LANCL2: variants seen among roughly 807,000 people sequenced by gnomAD.
LANCL2 encodes the protein lanC-like protein 2.
Under a neutral mutation model 56.9 loss-of-function variants are expected in LANCL2, and 33 were observed. The ratio of observed to expected loss-of-function variants is 0.58; its 90% confidence interval spans 0.44 to 0.78. The LOEUF (loss-of-function observed/expected upper bound fraction) is 0.78, where lower values mean the gene tolerates loss of function less well. LANCL2 is among the 30% of genes least tolerant of loss of function. LANCL2 has a pLI of 0.00. For synonymous variants in LANCL2, 233 were observed against 228.2 expected (o/e 1.02, Z -0.19); for missense variants, 562 against 580.2 (o/e 0.97, Z 0.32).
At chr7:55,381,090 T>C (rs1218376309) in intron 1 of LANCL2, among the ~76,000 whole-genome samples, 1 of 152,086 alleles carries the variant, frequency 6.6e-6, no homozygotes, top group Non-Finnish European at 1.5e-5. Context: ...AGGCTGGTCC[T>C]GAACTCCTGA....
At chr7:55,411,175 T>C (rs1790466301) in intron 5 of LANCL2, among the ~76,000 whole-genome samples, 1 of 152,234 alleles carries the variant, frequency 6.6e-6, no homozygotes, top group Non-Finnish European at 1.5e-5. Flanking sequence ...CCAGGTTTTT[T>C]CATGGGAAGC....
At chr7:55,422,133 G>A (rs1790615467) in intron 6 of LANCL2, among the ~76,000 whole-genome samples, 1 of 152,120 alleles carries the variant, frequency 6.6e-6, no homozygotes, top group Non-Finnish European at 1.5e-5. Context: ...ATTTTTAGTG[G>A]TCTTTGTTTC....
intron 1 of LANCL2, among the ~76,000 whole-genome samples, chr7:55,367,749 T>G: frequency 6.6e-6 from 1 of 152,124 alleles, no homozygotes; most frequent in East Asian, 1.9e-4. Flanking sequence ...AGCAAACCTG[T>G]GGGAACAAGT....
At chr7:55,368,407 A>G (rs1033931519) in intron 1 of LANCL2, among the ~76,000 whole-genome samples, 2 of 152,232 alleles carry the variant, frequency 1.3e-5, no homozygotes, top group African/African-American at 2.4e-5. Flanking sequence ...TGCTAAAGAA[A>G]GAAATGGACA....
intron 5 of LANCL2, among the ~76,000 whole-genome samples, chr7:55,401,641 A>G (rs1282033775): frequency 2.0e-4 from 25 of 126,514 alleles, no homozygotes; most frequent in South Asian, 5.3e-4. Context: ...AGGTCAGCAG[A>G]TAAGTGAACA....
intron 6 of LANCL2, among the ~76,000 whole-genome samples, chr7:55,423,729 T>C (rs1790633038): frequency 6.6e-6 from 1 of 152,192 alleles, no homozygotes; most frequent in African/African-American, 2.4e-5. Context: ...CATCCCTTTA[T>C]AGTTGAGAAA....
At chr7:55,408,083 A>G (rs552580452) in intron 5 of LANCL2, among the ~76,000 whole-genome samples, 44 of 152,356 alleles carry the variant, frequency 2.9e-4, no homozygotes, top group African/African-American at 1.0e-3. Context: ...AATAATTCAT[A>G]ATTAATATCC....
intron 7 of LANCL2, among the ~76,000 whole-genome samples, chr7:55,427,035 G>A (rs1257625487): frequency 6.6e-6 from 1 of 152,236 alleles, no homozygotes; most frequent in African/African-American, 2.4e-5. Context: ...CTTGGGCAGA[G>A]CTGCAGAGCA....
chr7:55,370,049 C>T (rs980427482), intron 1 of LANCL2, among the ~76,000 whole-genome samples: 2 of 152,190 alleles, frequency 1.3e-5, no homozygotes, highest in Admixed American at 6.5e-5. Context: ...TTCTGGCTCA[C>T]GGTCTCTGGA....
chr7:55,395,068 C>CTGT (rs1202777630), intron 2 of LANCL2, among the ~76,000 whole-genome samples: 1 of 152,164 alleles, frequency 6.6e-6, no homozygotes, highest in Non-Finnish European at 1.5e-5. Context: ...ACCAGACTCC[C>CTGT]TGTATGTAAC....
chr7:55,371,705 A>C (rs1360969883), intron 1 of LANCL2, among the ~76,000 whole-genome samples: 1 of 152,192 alleles, frequency 6.6e-6, no homozygotes, highest in Non-Finnish European at 1.5e-5. Context: ...ACAGAAAAAA[A>C]TCAGGAAAAC....
At chr7:55,373,217 T>G (rs1789964633) in intron 1 of LANCL2, among the ~76,000 whole-genome samples, 1 of 152,178 alleles carries the variant, frequency 6.6e-6, no homozygotes, top group Non-Finnish European at 1.5e-5. Flanking sequence ...TTTACTGCTT[T>G]CTGAGAACAG....
At chr7:55,415,621 C>CTTTTTT (rs71031852) in intron 6 of LANCL2, among the ~76,000 whole-genome samples, 2 of 111,770 alleles carry the variant, frequency 1.8e-5, no homozygotes, top group Non-Finnish European at 3.7e-5. Context: ...GTTTTTCTTT[C>CTTTTTT]TTTTTTTTGA....
At chr7:55,369,714 T>A (rs751590403) in intron 1 of LANCL2, among the ~76,000 whole-genome samples, 5 of 147,458 alleles carry the variant, frequency 3.4e-5, no homozygotes, top group Non-Finnish European at 7.6e-5. Flanking sequence ...AGCAGCAGCT[T>A]CAACTGATGT....
intron 5 of LANCL2, among the ~76,000 whole-genome samples, chr7:55,405,329 G>A (rs1790392854): frequency 6.6e-6 from 1 of 152,240 alleles, no homozygotes; most frequent in African/African-American, 2.4e-5. Flanking sequence ...ACTTTGGGGA[G>A]GGCCATCTGC....
chr7:55,426,038 C>T (rs1259554621), intron 7 of LANCL2, among the ~76,000 whole-genome samples: 1 of 152,186 alleles, frequency 6.6e-6, no homozygotes, highest in African/African-American at 2.4e-5. Context: ...CTGGACCTGT[C>T]GTTAACTGTT....
intron 1 of LANCL2, among the ~76,000 whole-genome samples, chr7:55,390,984 T>A (rs1583749462): frequency 6.6e-6 from 1 of 151,698 alleles, no homozygotes; most frequent in East Asian, 1.9e-4. Context: ...TTGTTTTTAT[T>A]TGCATTTCAT....
intron 6 of LANCL2, among the ~76,000 whole-genome samples, chr7:55,414,632 G>A (rs1199182940): frequency 1.3e-5 from 2 of 152,060 alleles, no homozygotes; most frequent in African/African-American, 4.8e-5. Flanking sequence ...TTCTGTGTAG[G>A]AACGTGTATT....
At chr7:55,403,893 T>C (rs1303951702) in intron 5 of LANCL2, among the ~76,000 whole-genome samples, 1 of 152,136 alleles carries the variant, frequency 6.6e-6, no homozygotes, top group Non-Finnish European at 1.5e-5. Context: ...CTTCTGTGCT[T>C]GTCTTCCTGT....
Sources: gnomAD v4.1 joint callset for allele counts (sites outside exome capture counted in the v4.1 genomes callset) on GRCh38, gnomAD v4.1.1 for gene constraint, MANE v1.5 for transcripts, NCBI Gene and HGNC (gene_info 2026-07-23, HGNC 2026-07-21) for gene names.